The following DENND5B variants were observed in gnomAD, a reference collection of about 807,000 sequenced individuals.
DENND5B encodes the protein DENN domain containing 5B, also known as DENN domain-containing protein 5B.
Under a neutral mutation model 140.6 loss-of-function variants are expected in DENND5B, and 34 were observed. The ratio of observed to expected loss-of-function variants is 0.24; its 90% confidence interval spans 0.18 to 0.32. DENND5B has a LOEUF of 0.32. DENND5B is among the 10% of genes least tolerant of loss of function. The pLI is 1.00. For missense variants in DENND5B, 1,142 were observed against 1,560.2 expected, an observed-to-expected ratio of 0.73 and a Z score of 4.52; for synonymous variants, 551 against 562.1, an observed-to-expected ratio of 0.98 and a Z score of 0.28.
At chr12:31,481,486 C>T (rs1383629701) in intron 2 of DENND5B, among the ~76,000 whole-genome samples, 1 of 152,064 alleles carries the variant, frequency 6.6e-6, no homozygotes, top group Non-Finnish European at 1.5e-5. Context: ...ATGGGAAAAA[C>T]ATATAATAGT....
chr12:31,527,551 G>A (rs573577283), intron 1 of DENND5B, among the ~76,000 whole-genome samples: 8 of 152,230 alleles, frequency 5.3e-5, no homozygotes, highest in South Asian at 2.1e-4. Context: ...AGGCCGAGGC[G>A]GGCGGATCAT....
chr12:31,445,856 A>C (rs985841104), intron 6 of DENND5B, among the ~76,000 whole-genome samples: 1 of 151,720 alleles, frequency 6.6e-6, no homozygotes, highest in Non-Finnish European at 1.5e-5. Context: ...AAAAATACAA[A>C]AAATTACCCG....
At chr12:31,517,833 CA>C in intron 1 of DENND5B, among the ~76,000 whole-genome samples, 2 of 152,262 alleles carry the variant, frequency 1.3e-5, no homozygotes, top group Admixed American at 1.3e-4. Flanking sequence ...TCTAAGAAGT[CA>C]AATGACACTT....
In DENND5B at chr12:31,452,169, G is replaced by C; in HGVS notation, c.1400C>G (p.Ala467Gly). 2.5e-6 allele frequency: 4 copies of C among 1,613,898 alleles called. No individual in the cohort carries two copies. Among genetic ancestry groups the C allele is most frequent in the Non-Finnish European group, 2.5e-6 (3 of 1,179,876 alleles). ...AGCAGAGAGGTCCATTTTTTCCACA[G>C]CCACACCAGTACGCTTGGCCAGAGC... ...LQALAKRTGVAVEKMDLSASL... is the reference protein window; with the variant it reads ...LQALAKRTGVGVEKMDLSASL... Residue 467 changes from alanine to glycine, a missense_variant, in exon 5 of 21, where the codon GCT (alanine) becomes GGT (glycine). Coordinates refer to ENST00000389082, the MANE Select transcript of DENND5B (RefSeq NM_144973.4).
At chr12:31,501,773 C>CAAAAAAA (rs10645598) in intron 1 of DENND5B, among the ~76,000 whole-genome samples, 1 of 119,140 alleles carries the variant, frequency 8.4e-6, no homozygotes, top group Non-Finnish European at 1.8e-5. Flanking sequence ...AACTCCATCT[C>CAAAAAAA]AAAAAAAAAA....
chr12:31,420,118 G>A (rs1256008285), intron 11 of DENND5B: 27 of 929,618 alleles, frequency 2.9e-5, no homozygotes, highest in Middle Eastern at 5.6e-4. Flanking sequence ...CTGGCTCAAC[G>A]TTTTTATTTA....
chr12:31,512,073 T>C (rs1032630672), intron 1 of DENND5B, among the ~76,000 whole-genome samples: 2 of 149,298 alleles, frequency 1.3e-5, no homozygotes. Flanking sequence ...CGTGCCACCA[T>C]GCCTGGCTAA....
At position 31,412,674 on chromosome 12, in the gene DENND5B, G is replaced by A. The variant is rs191093634; in HGVS notation, c.2681+762C>T. Among the ~76,000 whole-genome samples, 3 of 152,246 alleles carry A rather than the reference G, an allele frequency of 2.0e-5. No homozygotes were observed. The East Asian group carries it at 5.8e-4, about 29-fold the overall frequency. On this transcript the variant is annotated intron_variant, in intron 13 of 20. Transcript: ENST00000389082. ...GTACTGGTCCATGGCCCAAGGGCTG[G>A]GAACCCTTGCCCTAAACTAGTGAAT...
intron 14 of DENND5B, among the ~76,000 whole-genome samples, chr12:31,406,010 C>A (rs1355207114): frequency 2.0e-5 from 3 of 151,694 alleles, no homozygotes; most frequent in African/African-American, 7.3e-5. Flanking sequence ...CCATGCCCAG[C>A]TAATTTTTGT....
intron 1 of DENND5B, among the ~76,000 whole-genome samples, chr12:31,501,255 G>A (rs1733246606): frequency 6.6e-6 from 1 of 152,116 alleles, no homozygotes; most frequent in South Asian, 2.1e-4. Context: ...TTTATAAGGG[G>A]CTTTCCCCCA....
At chr12:31,583,277 G>C (rs1417176822) in intron 1 of DENND5B, among the ~76,000 whole-genome samples, 1 of 147,104 alleles carries the variant, frequency 6.8e-6, no homozygotes, top group Non-Finnish European at 1.5e-5. Flanking sequence ...GGGCGACAGA[G>C]TGAGACTCAG....
chr12:31,529,162 C>CAAAAAAA, intron 1 of DENND5B, among the ~76,000 whole-genome samples: 1 of 113,228 alleles, frequency 8.8e-6, no homozygotes, highest in East Asian at 2.4e-4. Context: ...AACTCTGTCT[C>CAAAAAAA]AAAAAAAAAA....
At chr12:31,518,060 G>A (rs953552017) in intron 1 of DENND5B, among the ~76,000 whole-genome samples, 13 of 152,302 alleles carry the variant, frequency 8.5e-5, no homozygotes, top group African/African-American at 3.1e-4. Flanking sequence ...AATGGGAGCA[G>A]TGCAAAGTGG....
intron 1 of DENND5B, among the ~76,000 whole-genome samples, chr12:31,584,185 A>C (rs974545558): frequency 2.6e-4 from 39 of 152,314 alleles, no homozygotes; most frequent in African/African-American, 8.9e-4. Flanking sequence ...CCTTAGCAGC[A>C]AACAGAACTT....
At chr12:31,525,738 C>T (rs1165318083) in intron 1 of DENND5B, among the ~76,000 whole-genome samples, 1 of 152,182 alleles carries the variant, frequency 6.6e-6, no homozygotes, top group East Asian at 1.9e-4. Flanking sequence ...ACACTATAAT[C>T]CCAGCACTTT....
At chr12:31,468,404 CA>C (rs1426305394) in intron 3 of DENND5B, among the ~76,000 whole-genome samples, 2 of 150,866 alleles carry the variant, frequency 1.3e-5, no homozygotes, top group African/African-American at 4.9e-5. Flanking sequence ...TTAATAAGCC[CA>C]AAAAAAGTAG....
At chr12:31,481,906 A>T (rs548336988) in intron 2 of DENND5B, among the ~76,000 whole-genome samples, 1 of 152,102 alleles carries the variant, frequency 6.6e-6, no homozygotes, top group Non-Finnish European at 1.5e-5. Context: ...CTTGGAAGGG[A>T]GTGAGAGGCT....
chr12:31,454,596 C>T (rs532851188), intron 4 of DENND5B, among the ~76,000 whole-genome samples: 9 of 151,696 alleles, frequency 5.9e-5, no homozygotes, highest in Admixed American at 3.3e-4. Context: ...GTGTCCACCA[C>T]CATGCCTGGG....
intron 1 of DENND5B, among the ~76,000 whole-genome samples, chr12:31,588,715 C>T (rs1273260): frequency 0.077 from 11,786 of 152,144 alleles, 1,058 homozygotes; most frequent in African/African-American, 0.22. Context: ...CCCATGGTTA[C>T]GGAGAGATGA....
Sources: allele counts gnomAD v4.1 joint callset (sites outside exome capture counted in the v4.1 genomes callset), GRCh38; gene constraint gnomAD v4.1.1; transcripts MANE v1.5; gene names NCBI Gene and HGNC (gene_info 2026-07-23, HGNC 2026-07-21).